Variants in TBC1D31 observed in about 807,000 individuals in gnomAD.
TBC1D31 encodes the protein TBC1 domain family member 31.
A neutral mutation model predicts 132.9 loss-of-function variants in TBC1D31; 99 were observed. The observed-to-expected ratio is 0.74, with a 90% CI of 0.63 to 0.88. The LOEUF (loss-of-function observed/expected upper bound fraction) is 0.88, where lower values mean the gene tolerates loss of function less well. TBC1D31 is among the 40% of genes least tolerant of loss of function. The pLI, the probability that TBC1D31 is intolerant of heterozygous loss-of-function variation, is 0.00. For missense variants in TBC1D31, 1,134 were observed against 1,256.6 expected (o/e 0.90, Z 1.48); for synonymous variants, 385 against 419.4 (o/e 0.92, Z 1.00).
intron 2 of TBC1D31, among the ~76,000 whole-genome samples, chr8:123,080,774 A>G (rs2129763475): frequency 6.6e-6 from 1 of 152,160 alleles, no homozygotes; most frequent in African/African-American, 2.4e-5. Flanking sequence ...TGACCTCGTG[A>G]TCCGCCCGCC....
downstream of TBC1D31, among the ~76,000 whole-genome samples, chr8:123,155,373 TG>T (rs1351946016): frequency 6.6e-6 from 1 of 152,072 alleles, no homozygotes; most frequent in African/African-American, 2.4e-5. The surrounding 1 kb of genome is among the most constrained non-coding windows in gnomAD (Gnocchi z 4.1). Context: ...GTGGGAATAA[TG>T]GAATTCTGGG....
At chr8:123,111,338 C>T (rs971577616) in intron 10 of TBC1D31, among the ~76,000 whole-genome samples, 1 of 152,100 alleles carries the variant, frequency 6.6e-6, no homozygotes, top group Non-Finnish European at 1.5e-5. Flanking sequence ...TTCTTAGGAT[C>T]AACTACTTGG....
rs752097379 is a variant in TBC1D31 at position 123,109,534 on chromosome 8, C to T, written c.1350C>T (p.Leu450=). The part of the protein sequence containing the change: ...LPENHTAFST[L]IDKGTHVAFL... Reference sequence around the variant, plus strand: ...AAAATCATACTGCGTTTAGTACCCTCATAGATAAGGGGACTCATGTGGCAT... The same window carrying T: ...AAAATCATACTGCGTTTAGTACCCTTATAGATAAGGGGACTCATGTGGCAT... The change falls in exon 10 of 22, where the codon CTC becomes CTT. Residue 450 remains leucine, a synonymous_variant. Transcript: ENST00000287380. The T allele has an allele frequency of 9.3e-6, 15 of 1,613,006 alleles. No individual in the cohort carries two copies. In the Admixed American group the frequency reaches 2.5e-4, roughly 27 times the overall value.
In TBC1D31 at chr8:123,115,893, A is replaced by G. The variant is rs376691451; in HGVS notation, c.1437-4162A>G. Among the ~76,000 whole-genome samples the G allele has an allele frequency of 3.0e-4, 46 of 152,340 alleles. No homozygotes were observed. The South Asian group carries it at 3.9e-3, about 13-fold the overall frequency. On this transcript the variant is annotated intron_variant, in intron 10 of 21. Transcript: ENST00000287380. ...AGGTGCTTAACTTAATCATATCTGC[A>G]AAATCTCATGTAAAATAATATCTTC...
chr8:123,090,889 A>G (rs1816250793), intron 4 of TBC1D31, among the ~76,000 whole-genome samples: 1 of 152,120 alleles, frequency 6.6e-6, no homozygotes, highest in Non-Finnish European at 1.5e-5. Flanking sequence ...GTAGTGAGCC[A>G]AGATCACGCC....
At chr8:123,081,347 T>C (rs936271356) in intron 2 of TBC1D31, among the ~76,000 whole-genome samples, 3 of 151,694 alleles carry the variant, frequency 2.0e-5, no homozygotes, top group Non-Finnish European at 2.9e-5. Flanking sequence ...GACTTAGACC[T>C]ACTTCTGCTA....
chr8:123,119,954 A>T, intron 10 of TBC1D31, 101 bp from the exon 11 acceptor site: 1 of 1,044,568 alleles, frequency 9.6e-7, no homozygotes, highest in Non-Finnish European at 1.3e-6. Flanking sequence ...TAGGGGTACA[A>T]GGAAGAATTT....
At position 123,103,488 on chromosome 8, in the gene TBC1D31, T is replaced by A. The variant is rs983450270; in HGVS notation, c.1033-1800T>A. 7.2e-5 allele frequency: 11 copies of A among 152,208 alleles called. No homozygotes were observed. The East Asian group carries it at 2.1e-3, about 29-fold the overall frequency. The allele number at this position is 152,208 out of a possible 1,614,324, so 9.4% of individuals were successfully genotyped here. On this transcript the variant is annotated intron_variant, in intron 7 of 21. Transcript: ENST00000287380. ...TCCAGGCTGGAGTGCAGTGGTGTGA[T>A]CTTGGCTCACTGCAGCCTCCGCCTC...
the TBC1D31 span, among the ~76,000 whole-genome samples, chr8:123,163,556 A>AT: frequency 6.6e-6 from 1 of 151,044 alleles, no homozygotes; most frequent in African/African-American, 2.4e-5. Flanking sequence ...GCAGAGACAG[A>AT]TTTTTTGCCA....
downstream of TBC1D31, among the ~76,000 whole-genome samples, chr8:123,156,440 CAA>C (rs34267268): frequency 0.034 from 3,451 of 100,988 alleles, 118 homozygotes; most frequent in African/African-American, 0.11. Flanking sequence ...GACCCTGTCT[CAA>C]AAAAAAAAAA....
chr8:123,157,263 G>A, the TBC1D31 span, among the ~76,000 whole-genome samples: 1 of 152,218 alleles, frequency 6.6e-6, no homozygotes, highest in African/African-American at 2.4e-5. Flanking sequence ...ACGACCTTCA[G>A]ATTATGAGAC....
At chr8:123,080,310 G>T (rs2129737988) in intron 2 of TBC1D31, among the ~76,000 whole-genome samples, 1 of 152,210 alleles carries the variant, frequency 6.6e-6, no homozygotes, top group South Asian at 2.1e-4. Context: ...GTCTCTAGGG[G>T]CAGCAAATTG....
At chr8:123,086,759 A>G (rs958222334) in intron 4 of TBC1D31, among the ~76,000 whole-genome samples, 2 of 146,920 alleles carry the variant, frequency 1.4e-5, no homozygotes, top group African/African-American at 5.1e-5. Flanking sequence ...TGGCTCTGGC[A>G]TCCAGGCTGG....
At chr8:123,118,265 T>C (rs1247156991) in intron 10 of TBC1D31, among the ~76,000 whole-genome samples, 4 of 151,944 alleles carry the variant, frequency 2.6e-5, no homozygotes. Flanking sequence ...GTGAATAGCA[T>C]GTGCCAGTGT....
At chr8:123,073,788 C>T (rs933226592) in intron 1 of TBC1D31, among the ~76,000 whole-genome samples, 6 of 151,886 alleles carry the variant, frequency 4.0e-5, no homozygotes, top group African/African-American at 1.5e-4. Context: ...CGAGTTAAAG[C>T]GATTCTCTTG....
chr8:123,152,660 C>G (rs1822879870), downstream of TBC1D31, among the ~76,000 whole-genome samples: 1 of 152,128 alleles, frequency 6.6e-6, no homozygotes, highest in Non-Finnish European at 1.5e-5. Context: ...CACTTGAGGT[C>G]AGGAGTTCGA....
chr8:123,102,201 CAG>C (rs1817495574), intron 7 of TBC1D31: 1 of 456,054 alleles, frequency 2.2e-6, no homozygotes, highest in African/African-American at 2.0e-5. Flanking sequence ...GTAGCTCTAA[CAG>C]AGACTTTGAT....
intron 13 of TBC1D31, 93 bp downstream of exon 13, chr8:123,126,780 T>A (rs1820085667): frequency 8.2e-7 from 1 of 1,216,282 alleles, no homozygotes; most frequent in African/African-American, 1.5e-5. Context: ...CTCGCTATGT[T>A]GCCCAGGCTG....
At chr8:123,108,798 C>G (rs1026230340) in intron 8 of TBC1D31, among the ~76,000 whole-genome samples, 1 of 152,110 alleles carries the variant, frequency 6.6e-6, no homozygotes, top group Non-Finnish European at 1.5e-5. Flanking sequence ...GTGGAGGCCT[C>G]TGGAAACTTA....
Sources: allele counts gnomAD v4.1 joint callset (sites outside exome capture counted in the v4.1 genomes callset), GRCh38; gene constraint gnomAD v4.1.1; non-coding constraint Gnocchi (gnomAD v3.1); transcripts MANE v1.5; gene names NCBI Gene and HGNC (gene_info 2026-07-23, HGNC 2026-07-21).